The following PITPNC1 variants were observed in gnomAD, a reference collection of about 807,000 sequenced individuals.
The protein encoded by PITPNC1 is phosphatidylinositol transfer protein cytoplasmic 1.
A neutral mutation model predicts 44.7 loss-of-function variants in PITPNC1; 18 were observed. That is an observed-to-expected ratio of 0.40 (90% CI 0.28 to 0.60). PITPNC1 has a LOEUF of 0.60. Among genes scored for constraint, PITPNC1 ranks in the 20% least tolerant of loss-of-function variants. PITPNC1 has a pLI of 0.39. For missense variants in PITPNC1, 290 were observed against 418.4 expected, an observed-to-expected ratio of 0.69 and a Z score of 2.68; for synonymous variants, 141 against 149.6, an observed-to-expected ratio of 0.94 and a Z score of 0.42.
At chr17:67,454,485 A>AT (rs202021083) in intron 1 of PITPNC1, among the ~76,000 whole-genome samples, 3 of 152,076 alleles carry the variant, frequency 2.0e-5, no homozygotes, top group East Asian at 3.9e-4. Flanking sequence ...TCTTCTTTTG[A>AT]TTTTTTTTCA....
At chr17:67,385,415 C>G (rs970256766) in intron 1 of PITPNC1, among the ~76,000 whole-genome samples, 8 of 152,190 alleles carry the variant, frequency 5.3e-5, no homozygotes, top group South Asian at 2.1e-4. Flanking sequence ...AATCAGCACT[C>G]TGTAAAATGG....
intron 5 of PITPNC1, among the ~76,000 whole-genome samples, chr17:67,594,410 T>A (rs1046917128): frequency 2.0e-5 from 3 of 152,210 alleles, no homozygotes; most frequent in Non-Finnish European, 4.4e-5. Flanking sequence ...CTCACGTTTC[T>A]GAAGTCTGCA....
intron 1 of PITPNC1, among the ~76,000 whole-genome samples, chr17:67,409,110 CT>C (rs2038451629): frequency 1.6e-5 from 2 of 125,526 alleles, no homozygotes; most frequent in Admixed American, 2.0e-4. Context: ...CGGAGTCTCG[CT>C]CTGTCGCCCA....
intron 1 of PITPNC1, among the ~76,000 whole-genome samples, chr17:67,441,613 A>G (rs2039013869): frequency 6.6e-6 from 1 of 152,192 alleles, no homozygotes; most frequent in Non-Finnish European, 1.5e-5. Context: ...TAATCCGATC[A>G]CAGCTGTAAA....
intron 1 of PITPNC1, among the ~76,000 whole-genome samples, chr17:67,399,109 G>A (rs2038268495): frequency 6.7e-6 from 1 of 150,330 alleles, no homozygotes; most frequent in Admixed American, 6.7e-5. Flanking sequence ...CCGCCTCCTG[G>A]GTTCAAGCGA....
chr17:67,553,393 G>C (rs532568619), intron 3 of PITPNC1: 1 of 375,286 alleles, frequency 2.7e-6, no homozygotes, highest in African/African-American at 2.1e-5. Context: ...TTGTCTTACT[G>C]TTCTTATCTG....
chr17:67,408,396 GGT>G, intron 1 of PITPNC1, among the ~76,000 whole-genome samples: 1 of 149,770 alleles, frequency 6.7e-6, no homozygotes, highest in East Asian at 2.0e-4. Flanking sequence ...CAGGTGTGGT[GGT>G]GCATGCCTGT....
chr17:67,439,678 G>A (rs1037446790), intron 1 of PITPNC1, among the ~76,000 whole-genome samples: 1 of 152,088 alleles, frequency 6.6e-6, no homozygotes, highest in African/African-American at 2.4e-5. Flanking sequence ...TGAATACATT[G>A]TTGAATTATT....
chr17:67,689,288 C>T (rs1044762262), intron 8 of PITPNC1, among the ~76,000 whole-genome samples: 3 of 152,088 alleles, frequency 2.0e-5, no homozygotes, highest in Admixed American at 6.5e-5. Context: ...AAGGTGATAA[C>T]GTAGAGTGGT....
intron 6 of PITPNC1, among the ~76,000 whole-genome samples, chr17:67,662,772 CT>C (rs1251921274): frequency 6.6e-6 from 1 of 151,864 alleles, no homozygotes; most frequent in Non-Finnish European, 1.5e-5. Context: ...TTCATTTCTT[CT>C]TTTTTTTAAA....
chr17:67,642,424 A>C (rs2042101996), intron 6 of PITPNC1, among the ~76,000 whole-genome samples: 1 of 152,090 alleles, frequency 6.6e-6, no homozygotes, highest in Admixed American at 6.5e-5. Flanking sequence ...CAAATCCATC[A>C]ACCTACATCC....
intron 1 of PITPNC1, among the ~76,000 whole-genome samples, chr17:67,438,636 T>G (rs2038970079): frequency 6.6e-6 from 1 of 152,216 alleles, no homozygotes; most frequent in African/African-American, 2.4e-5. Context: ...GACTTTCTAA[T>G]GCACAGAATG....
At chr17:67,608,311 G>A (rs1304910510) in intron 5 of PITPNC1, among the ~76,000 whole-genome samples, 1 of 150,936 alleles carries the variant, frequency 6.6e-6, no homozygotes, top group Non-Finnish European at 1.5e-5. Flanking sequence ...GCTGAGGCAG[G>A]AGAATGGCCT....
At chr17:67,496,591 T>C (rs1281782240) in intron 1 of PITPNC1, among the ~76,000 whole-genome samples, 2 of 152,146 alleles carry the variant, frequency 1.3e-5, no homozygotes, top group Non-Finnish European at 2.9e-5. Flanking sequence ...GCACTCACTG[T>C]TCACTCTGGT....
intron 6 of PITPNC1, among the ~76,000 whole-genome samples, chr17:67,663,924 G>T (rs1266295056): frequency 6.6e-6 from 1 of 152,064 alleles, no homozygotes; most frequent in Non-Finnish European, 1.5e-5. Flanking sequence ...CGAGCTTCTA[G>T]AATCAAGTCT....
chr17:67,640,999 AG>A (rs767176845), intron 6 of PITPNC1, among the ~76,000 whole-genome samples: 15 of 152,138 alleles, frequency 9.9e-5, no homozygotes, highest in Non-Finnish European at 2.1e-4. Flanking sequence ...CAAAAAAAAA[AG>A]AAACCCATGA....
At chr17:67,635,675 GT>G (rs2042023924) in intron 6 of PITPNC1, among the ~76,000 whole-genome samples, 1 of 152,172 alleles carries the variant, frequency 6.6e-6, no homozygotes, top group African/African-American at 2.4e-5. Context: ...TGGAGATCAG[GT>G]TGAATCTAAA....
At chr17:67,478,568 G>C (rs1314124263) in intron 1 of PITPNC1, among the ~76,000 whole-genome samples, 1 of 152,006 alleles carries the variant, frequency 6.6e-6, no homozygotes, top group Non-Finnish European at 1.5e-5. Context: ...GCTCCCCTCT[G>C]CCACCTCCTG....
At chr17:67,447,521 C>T (rs548413265) in intron 1 of PITPNC1, among the ~76,000 whole-genome samples, 12 of 151,632 alleles carry the variant, frequency 7.9e-5, no homozygotes, top group African/African-American at 2.7e-4. Context: ...TGTACCACCA[C>T]GCCCAGATAA....
Sources: allele counts gnomAD v4.1 joint callset (sites outside exome capture counted in the v4.1 genomes callset), GRCh38; gene constraint gnomAD v4.1.1; transcripts MANE v1.5; gene names NCBI Gene and HGNC (gene_info 2026-07-23, HGNC 2026-07-21).